Variants in ADGRL2 observed in about 807,000 individuals in gnomAD.
ADGRL2 encodes adhesion G protein-coupled receptor L2.
ADGRL2 carries 44 observed loss-of-function variants against 157.4 expected under a neutral mutation model. The observed-to-expected ratio is 0.28, with a 90% CI of 0.22 to 0.36. The LOEUF (loss-of-function observed/expected upper bound fraction) is 0.36, where lower values mean the gene tolerates loss of function less well. ADGRL2 is among the 10% of genes least tolerant of loss of function. ADGRL2 has a pLI of 1.00. For missense variants in ADGRL2, 1,510 were observed against 1,768.9 expected, an observed-to-expected ratio of 0.85 and a Z score of 2.63; for synonymous variants, 585 against 624.7, an observed-to-expected ratio of 0.94 and a Z score of 0.95.
intron 1 of ADGRL2, among the ~76,000 whole-genome samples, chr1:81,444,675 G>C (rs1447992246): frequency 3.3e-5 from 5 of 152,172 alleles, no homozygotes; most frequent in Non-Finnish European, 7.3e-5. Context: ...TCAATGGGCT[G>C]TCTAATGACT....
intron 2 of ADGRL2, among the ~76,000 whole-genome samples, chr1:81,497,450 GTC>G (rs2078754753): frequency 6.6e-6 from 1 of 151,834 alleles, no homozygotes. Flanking sequence ...ATTCAAGGAT[GTC>G]TTTACACAGG....
intron 2 of ADGRL2, among the ~76,000 whole-genome samples, chr1:81,485,112 T>G (rs2078471914): frequency 6.6e-6 from 1 of 151,724 alleles, no homozygotes. Flanking sequence ...CAGCTTAGAC[T>G]TGGAAATTAG....
At chr1:81,755,346 G>A (rs936213080) in intron 1 of ADGRL2, among the ~76,000 whole-genome samples, 2 of 151,446 alleles carry the variant, frequency 1.3e-5, no homozygotes, top group Non-Finnish European at 2.9e-5. Flanking sequence ...CAAAGCACTA[G>A]TTTGCTACTA....
chr1:81,568,736 A>C (rs946894465), intron 2 of ADGRL2, among the ~76,000 whole-genome samples: 1 of 152,134 alleles, frequency 6.6e-6, no homozygotes, highest in African/African-American at 2.4e-5. Context: ...TTTTATTTTT[A>C]CCAAAAAAAT....
intron 2 of ADGRL2, among the ~76,000 whole-genome samples, chr1:81,479,552 G>A (rs1361962474): frequency 6.6e-6 from 1 of 151,990 alleles, no homozygotes; most frequent in Non-Finnish European, 1.5e-5. Context: ...CCCACATTTT[G>A]GAGATAAGGA....
At position 81,486,881 on chromosome 1, in the gene ADGRL2, A is replaced by G. The variant is rs892118709; in HGVS notation, c.-248+41792A>G. On this transcript the variant is annotated intron_variant, in intron 2 of 24. Coordinates refer to the ADGRL2 transcript ENST00000370721. ...GCATACCTTTTTGAAAGTATCTAAGACTTTACAAATGTAGCAGGAAGTGAT... is the reference window on the plus strand; with the variant it reads ...GCATACCTTTTTGAAAGTATCTAAGGCTTTACAAATGTAGCAGGAAGTGAT... 3.3e-5 allele frequency among the ~76,000 whole-genome samples: 5 copies of G among 152,188 alleles called. No homozygotes were observed. In the East Asian group the frequency reaches 9.6e-4, roughly 29 times the overall value.
Position 81,344,451 on chromosome 1 carries a change from C to T in ADGRL2, c.-302+37942C>T, listed in dbSNP as rs181435092. ...CAGCACTTTGGGAGGACGAAGCATGCGGATCACCTGAGGTCGGGAGTTCGA... is the reference window on the plus strand; with the variant it reads ...CAGCACTTTGGGAGGACGAAGCATGTGGATCACCTGAGGTCGGGAGTTCGA... On this transcript the variant is annotated intron_variant, in intron 1 of 24. Coordinates refer to the ADGRL2 transcript ENST00000370721. Among the ~76,000 whole-genome samples, 122 of 152,034 alleles carry T rather than the reference C, an allele frequency of 8.0e-4. 1 individual carries two copies. Among genetic ancestry groups the T allele is most frequent in the African/African-American group, 2.7e-3 (113 of 41,504 alleles).
intron 3 of ADGRL2, among the ~76,000 whole-genome samples, chr1:81,617,842 C>T (rs1221732701): frequency 6.6e-6 from 1 of 152,194 alleles, no homozygotes; most frequent in Admixed American, 6.5e-5. Flanking sequence ...TAGCCCTTTG[C>T]TGGGGTCATT....
At chr1:81,393,355 G>GA (rs538044922) in intron 1 of ADGRL2, among the ~76,000 whole-genome samples, 1,741 of 121,292 alleles carry the variant, frequency 0.014, 34 homozygotes, top group African/African-American at 0.042. Flanking sequence ...CATGCCCCAG[G>GA]GAAAAAAAAA....
intron 1 of ADGRL2, among the ~76,000 whole-genome samples, chr1:81,816,380 T>C (rs1297213156): frequency 6.6e-6 from 1 of 151,868 alleles, no homozygotes; most frequent in Non-Finnish European, 1.5e-5. Context: ...AGAATACTTT[T>C]TATTTTGTAT....
At chr1:81,316,137 A>G (rs1210911595) in intron 1 of ADGRL2, among the ~76,000 whole-genome samples, 1 of 133,034 alleles carries the variant, frequency 7.5e-6, no homozygotes. Flanking sequence ...AAACAAAAAA[A>G]AAAAAGAAAA....
In ADGRL2 at chr1:81,551,902, C is replaced by T. The variant is rs573828707; in HGVS notation, c.-247-28974C>T. Among the ~76,000 whole-genome samples the T allele has an allele frequency of 7.9e-5, 12 of 152,260 alleles. No individual in the cohort carries two copies. In the South Asian group the frequency reaches 1.7e-3, roughly 21 times the overall value. On this transcript the variant is annotated intron_variant, in intron 2 of 24. Transcript: ENST00000370721. ...AGATCCCATGAATTGAAATACTCCC[C>T]GGATTAACTGAAATGTATTAGTGGG...
At chr1:81,661,396 A>G (rs1388552088) in intron 3 of ADGRL2, among the ~76,000 whole-genome samples, 3 of 152,196 alleles carry the variant, frequency 2.0e-5, no homozygotes, top group Non-Finnish European at 4.4e-5. Flanking sequence ...ACATTGTATT[A>G]GTGTAACAAT....
chr1:81,550,509 G>A (rs1167597261), intron 2 of ADGRL2, among the ~76,000 whole-genome samples: 1 of 152,124 alleles, frequency 6.6e-6, no homozygotes, highest in Non-Finnish European at 1.5e-5. Flanking sequence ...GTCAGTTTAT[G>A]TTGGAAAGTA....
Position 81,979,873 on chromosome 1 carries a change from A to T in ADGRL2, c.3026A>T (p.Asn1009Ile). 1.3e-6 allele frequency: 2 copies of T among 1,586,296 alleles called. No homozygotes were observed. Among genetic ancestry groups the T allele is most frequent in the Non-Finnish European group, 1.7e-6 (2 of 1,156,212 alleles). ...ATTCTTTATTTGTTACAACAGCTAAATATTATCTTCTTGGTGATCACATTG... is the reference window on the plus strand; with the variant it reads ...ATTCTTTATTTGTTACAACAGCTAATTATTATCTTCTTGGTGATCACATTG... Reference protein sequence around the residue: ...IGPVTFIILLNIIFLVITLCK... With the variant: ...IGPVTFIILLIIIFLVITLCK... Residue 1009 changes from asparagine (N) to isoleucine (I), a missense_variant, in exon 18 of 24, where the codon AAT becomes ATT. Physicochemically the swap from Asn to Ile is moderately radical, Grantham distance 149. Coordinates refer to ENST00000686636, the MANE Select transcript of ADGRL2 (RefSeq NM_001366006.2).
chr1:81,401,258 T>C (rs945905226), intron 1 of ADGRL2, among the ~76,000 whole-genome samples: 6 of 152,174 alleles, frequency 3.9e-5, no homozygotes, highest in South Asian at 2.1e-4. Flanking sequence ...TGTTCTGGGA[T>C]GCCTGGTGCT....
intron 1 of ADGRL2, among the ~76,000 whole-genome samples, chr1:81,335,244 A>T (rs1661554037): frequency 6.6e-6 from 1 of 152,180 alleles, no homozygotes; most frequent in Non-Finnish European, 1.5e-5. Flanking sequence ...GAAGTATTTC[A>T]CCTAATCCCC....
At chr1:81,805,677 A>G (rs1460544079) in intron 1 of ADGRL2, among the ~76,000 whole-genome samples, 2 of 146,486 alleles carry the variant, frequency 1.4e-5, no homozygotes, top group Non-Finnish European at 3.0e-5. Context: ...AAATTATTTT[A>G]TGGTAGTTTA....
intron 1 of ADGRL2, among the ~76,000 whole-genome samples, chr1:81,394,383 C>G (rs956945930): frequency 9.2e-5 from 14 of 152,130 alleles, no homozygotes; most frequent in Admixed American, 6.5e-4. Flanking sequence ...CCCTTCCCAG[C>G]CTCTGGTAAC....
Sources: gnomAD v4.1 joint callset for allele counts (sites outside exome capture counted in the v4.1 genomes callset) on GRCh38, gnomAD v4.1.1 for gene constraint, MANE v1.5 for transcripts, NCBI Gene and HGNC (gene_info 2026-07-23, HGNC 2026-07-21) for gene names.